WDR27: variants seen among roughly 807,000 people sequenced by gnomAD.
The protein encoded by WDR27 is WD repeat domain 27, also known as WD repeat-containing protein 27.
In WDR27, 100 loss-of-function variants were observed where a neutral mutation model predicts 114.4. The ratio of observed to expected loss-of-function variants is 0.87; its 90% CI spans 0.74 to 1.03. The LOEUF (loss-of-function observed/expected upper bound fraction) is 1.03, where lower values mean the gene tolerates loss of function less well. Among genes scored for constraint, WDR27 ranks in the 50% least tolerant of loss-of-function variants. The pLI is 0.00. For synonymous variants in WDR27, 449 were observed against 423.1 expected, an observed-to-expected ratio of 1.06 and a Z score of -0.75; for missense variants, 1,129 against 1,092.9, an observed-to-expected ratio of 1.03 and a Z score of -0.47.
Position 169,500,378 on chromosome 6 carries a change from AAATGCTTAGCTGCTGCTGAACT to A in WDR27, c.2646-42766_2646-42745del, listed in dbSNP as rs542400412. Among the ~76,000 whole-genome samples, 305 of 152,242 alleles carry A rather than the reference AAATGCTTAGCTGCTGCTGAACT, an allele frequency of 2.0e-3. 3 individuals carry two copies. The highest frequency in any genetic ancestry group is 0.01 in the Middle Eastern group (3 of 294). On this transcript the variant is annotated intron_variant, in intron 25 of 25. Coordinates refer to ENST00000448612, the MANE Select transcript of WDR27 (RefSeq NM_182552.5). ...CTCAGGTTATCCATTACTGTCTCACAAATGCTTAGCTGCTGCTGAACTAATGCTTAGTAGCTGCTGAAAATCC... is the reference window on the plus strand; with the variant it reads ...CTCAGGTTATCCATTACTGTCTCACAAATGCTTAGTAGCTGCTGAAAATCC...
chr6:169,650,440 T>C (rs1349641854), intron 14 of WDR27, among the ~76,000 whole-genome samples: 4 of 113,524 alleles, frequency 3.5e-5, no homozygotes, highest in African/African-American at 7.0e-5. Context: ...ACCTCTCATC[T>C]CTCCATCCCT....
At chr6:169,532,758 T>G (rs2128082161) in intron 25 of WDR27, among the ~76,000 whole-genome samples, 1 of 151,328 alleles carries the variant, frequency 6.6e-6, no homozygotes, top group East Asian at 1.9e-4. Flanking sequence ...TTAACTGAAA[T>G]AACAATTGCA....
chr6:169,586,816 T>G (rs1160904552), intron 23 of WDR27, among the ~76,000 whole-genome samples: 2 of 112,384 alleles, frequency 1.8e-5, no homozygotes, highest in Admixed American at 2.8e-4. Context: ...ACTACTGCAC[T>G]CCAGCCTGGC....
intron 25 of WDR27, among the ~76,000 whole-genome samples, chr6:169,519,577 A>G (rs1423896390): frequency 6.6e-6 from 1 of 152,032 alleles, no homozygotes; most frequent in African/African-American, 2.4e-5. Context: ...CTCACCCACT[A>G]TTGTAAGGAG....
chr6:169,475,770 T>C (rs903008008), intron 25 of WDR27, among the ~76,000 whole-genome samples: 1 of 152,224 alleles, frequency 6.6e-6, no homozygotes, highest in Non-Finnish European at 1.5e-5. Flanking sequence ...TCTGGCTTAA[T>C]TGCAGTTCTT....
intron 25 of WDR27, among the ~76,000 whole-genome samples, chr6:169,468,275 G>A (rs1785869919): frequency 6.6e-6 from 1 of 152,174 alleles, no homozygotes. Flanking sequence ...CTTCTTCTGA[G>A]CCCTCCAAAC....
chr6:169,649,168 T>C lies in WDR27; in HGVS notation c.1559+30A>G, dbSNP rs1038721541. The C allele has an allele frequency of 1.3e-6, 2 of 1,545,958 alleles. No individual in the cohort carries two copies. The highest frequency in any genetic ancestry group is 2.4e-5 in the South Asian group (2 of 84,012). ...TTGGAAAGGTCTAGGTTATTTCAAA[T>C]GTACTTGGAATGCACGCTACATCAC... On this transcript the variant is annotated intron_variant, in intron 15 of 25. Transcript: ENST00000448612.
chr6:169,485,272 C>G (rs967663517), intron 25 of WDR27, among the ~76,000 whole-genome samples: 6 of 152,112 alleles, frequency 3.9e-5, no homozygotes, highest in Admixed American at 2.0e-4. Flanking sequence ...ATGCATCTGA[C>G]GAAGGTCTAA....
At chr6:169,651,812 CTA>C in intron 14 of WDR27, 116 bp downstream of exon 14, 1 of 853,994 alleles carries the variant, frequency 1.2e-6, no homozygotes, top group Non-Finnish European at 1.8e-6. Context: ...GTTTCTATTG[CTA>C]TGTCCTCTCT....
intron 24 of WDR27, among the ~76,000 whole-genome samples, chr6:169,573,336 GAA>G (rs1486032855): frequency 1.3e-5 from 2 of 152,192 alleles, no homozygotes; most frequent in African/African-American, 4.8e-5. Flanking sequence ...AATACAATAT[GAA>G]AAGTTTTTAT....
At chr6:169,531,120 T>C (rs1795541210) in intron 25 of WDR27, among the ~76,000 whole-genome samples, 2 of 152,354 alleles carry the variant, frequency 1.3e-5, no homozygotes, top group South Asian at 4.1e-4. Context: ...TCATTAAATA[T>C]GTGTTGAATG....
chr6:169,509,012 G>T (rs552864377), intron 25 of WDR27, among the ~76,000 whole-genome samples: 8 of 152,098 alleles, frequency 5.3e-5, no homozygotes, highest in Non-Finnish European at 1.5e-5. Context: ...CAAATCATGA[G>T]TGAACTCCCA....
intron 21 of WDR27, among the ~76,000 whole-genome samples, chr6:169,621,620 ATATACATACCCACACATG>A (rs1813327212): frequency 6.6e-6 from 1 of 152,072 alleles, no homozygotes; most frequent in Admixed American, 6.5e-5. Context: ...GCATTCACGC[ATATACATACCCACACATG>A]CATATACATA....
intron 25 of WDR27, among the ~76,000 whole-genome samples, chr6:169,468,467 GGAA>G (rs1785898969): frequency 1.3e-5 from 2 of 152,138 alleles, no homozygotes; most frequent in African/African-American, 4.8e-5. Context: ...AGAAAAAGGG[GGAA>G]ATCCCCTTAC....
At chr6:169,523,068 G>C (rs2997895) in intron 25 of WDR27, among the ~76,000 whole-genome samples, 65,294 of 151,792 alleles carry the variant, frequency 0.43, 17,653 homozygotes, top group Non-Finnish European at 0.61. Context: ...AAAATAGAGA[G>C]AGAATCCAAA....
chr6:169,665,452 TG>T, intron 7 of WDR27, 33 bp downstream of exon 7: 1 of 1,600,224 alleles, frequency 6.2e-7, no homozygotes, highest in Non-Finnish European at 8.5e-7. Context: ...CAGGCATGTC[TG>T]GGAACTGGAA....
At chr6:169,449,568 C>A in the WDR27 span, among the ~76,000 whole-genome samples, 1 of 152,198 alleles carries the variant, frequency 6.6e-6, no homozygotes, top group South Asian at 2.1e-4. Context: ...GCCGTGTGGG[C>A]ACCGGGACTG....
At chr6:169,428,733 A>C in the WDR27 span, among the ~76,000 whole-genome samples, 2 of 152,160 alleles carry the variant, frequency 1.3e-5, no homozygotes, top group African/African-American at 4.8e-5. Flanking sequence ...CCGCCCTCCT[A>C]TTAAGAGGGG....
chr6:169,672,425 G>C (rs1386667024), intron 2 of WDR27, 29 bp from the exon 3 acceptor site: 2 of 1,543,546 alleles, frequency 1.3e-6, no homozygotes, highest in Non-Finnish European at 1.7e-6. Flanking sequence ...ATAAAACACA[G>C]ATCACAGACA....
Sources: gnomAD v4.1 joint callset for allele counts (sites outside exome capture counted in the v4.1 genomes callset) on GRCh38, gnomAD v4.1.1 for gene constraint, MANE v1.5 for transcripts, NCBI Gene and HGNC (gene_info 2026-07-23, HGNC 2026-07-21) for gene names.